Variants in ANK3 observed in about 807,000 individuals in gnomAD.
ANK3 encodes ankyrin 3.
ANK3 carries 57 observed loss-of-function variants against 370.9 expected under a neutral mutation model. The ratio of observed to expected loss-of-function variants is 0.15; its 90% CI spans 0.12 to 0.19. The LOEUF is 0.19. ANK3 is among the 10% of genes least tolerant of loss of function. The probability of loss-of-function intolerance (pLI) is 1.00; values close to 1 mark genes in which losing one functional copy is unlikely to be tolerated. For missense variants in ANK3, 4,439 were observed against 5,302.1 expected (o/e 0.84, Z 5.06); for synonymous variants, 1,929 against 1,946.3 (o/e 0.99, Z 0.23).
At chr10:60,263,776 A>G in intron 6 of ANK3, 59 bp downstream of exon 6, 2 of 1,599,558 alleles carry the variant, frequency 1.3e-6, no homozygotes, top group Non-Finnish European at 1.7e-6. Flanking sequence ...GGTGCTCTTA[A>G]AGGTTGTGTG....
At chr10:60,486,519 G>A (rs1200773140) in intron 2 of ANK3, among the ~76,000 whole-genome samples, 3 of 152,216 alleles carry the variant, frequency 2.0e-5, no homozygotes, top group African/African-American at 7.2e-5. Context: ...GGCAGAGGTT[G>A]CAGTGAGCTG....
At chr10:60,638,041 C>T (rs930173744) in intron 1 of ANK3, among the ~76,000 whole-genome samples, 11 of 152,088 alleles carry the variant, frequency 7.2e-5, no homozygotes, top group Non-Finnish European at 1.3e-4. Context: ...GTGCAACAGT[C>T]GGAAATAATT....
intron 1 of ANK3, among the ~76,000 whole-genome samples, chr10:60,649,747 T>C (rs886525171): frequency 1.4e-4 from 21 of 152,342 alleles, no homozygotes; most frequent in East Asian, 7.7e-4. Context: ...TATATGTTTT[T>C]ATGCTCTTGT....
intron 1 of ANK3, among the ~76,000 whole-genome samples, chr10:60,281,528 A>G (rs1423256440): frequency 6.6e-6 from 1 of 152,200 alleles, no homozygotes. Context: ...TTGGGTTGCC[A>G]CAAGCCTTGT....
intron 5 of ANK3, among the ~76,000 whole-genome samples, chr10:60,267,871 C>T (rs2097904812): frequency 1.3e-5 from 2 of 152,200 alleles, no homozygotes; most frequent in Admixed American, 1.3e-4. Context: ...GATGGGTTTT[C>T]TCTTAACCAA....
intron 42 of ANK3, among the ~76,000 whole-genome samples, chr10:60,049,898 A>G (rs890771959): frequency 2.0e-5 from 3 of 152,116 alleles, no homozygotes; most frequent in African/African-American, 7.2e-5. Flanking sequence ...TTGCATGGCT[A>G]TATTTGTTTT....
chr10:60,079,173 CTACACACACA>C (rs962095467), intron 36 of ANK3, among the ~76,000 whole-genome samples: 7 of 21,862 alleles, frequency 3.2e-4, no homozygotes, highest in Non-Finnish European at 6.6e-4. Flanking sequence ...AGCTACCTAG[CTACACACACA>C]CACACACACA....
intron 1 of ANK3, among the ~76,000 whole-genome samples, chr10:60,333,816 C>T (rs962992573): frequency 2.0e-4 from 30 of 152,146 alleles, no homozygotes; most frequent in Non-Finnish European, 4.0e-4. Context: ...CTGTTGTTTC[C>T]TGACTTTTTA....
Position 60,080,730 on chromosome 10 carries a change from G to A in ANK3, c.4351-112C>T, listed in dbSNP as rs115349687. 3,306 of 918,786 alleles carry A rather than the reference G, an allele frequency of 3.6e-3. 48 individuals are homozygous for A. The African/African-American group carries it at 0.044, about 12-fold the overall frequency. The allele number at this position is 918,786 out of a possible 1,614,324, so 56.9% of individuals were successfully genotyped here. On this transcript the variant is annotated intron_variant, in intron 35 of 43. Coordinates refer to ENST00000280772, the MANE Select transcript of ANK3 (RefSeq NM_020987.5). ...GATAACTTGTTTATTTTCCTTCTTA[G>A]GAAATGTTAATTTCCCACTGGGATT...
intron 26 of ANK3, among the ~76,000 whole-genome samples, chr10:60,112,552 G>T (rs926924511): frequency 6.6e-6 from 1 of 152,080 alleles, no homozygotes; most frequent in Non-Finnish European, 1.5e-5. Context: ...CCATTTGAAC[G>T]ATATTGTTCT....
At chr10:60,635,224 A>T (rs896091864) in intron 1 of ANK3, among the ~76,000 whole-genome samples, 3 of 152,200 alleles carry the variant, frequency 2.0e-5, no homozygotes, top group Non-Finnish European at 4.4e-5. Context: ...CTCATCATTT[A>T]AAAGGTGGTT....
At chr10:60,351,194 T>C (rs1212391740) in intron 1 of ANK3, among the ~76,000 whole-genome samples, 1 of 152,212 alleles carries the variant, frequency 6.6e-6, no homozygotes, top group Non-Finnish European at 1.5e-5. Context: ...GAGAAAGTTT[T>C]GCTCCCAATA....
intron 2 of ANK3, among the ~76,000 whole-genome samples, chr10:60,435,191 T>C (rs979259282): frequency 1.3e-5 from 2 of 152,158 alleles, no homozygotes; most frequent in Admixed American, 6.5e-5. Context: ...GGATTACGGG[T>C]TGAATCTGTT....
chr10:60,463,446 C>G (rs1336013328), intron 2 of ANK3, among the ~76,000 whole-genome samples: 1 of 152,092 alleles, frequency 6.6e-6, no homozygotes, highest in Non-Finnish European at 1.5e-5. Flanking sequence ...AGACAGAACC[C>G]TCTGGCATGT....
chr10:60,549,862 T>C (rs995107958), intron 2 of ANK3, among the ~76,000 whole-genome samples: 1 of 152,148 alleles, frequency 6.6e-6, no homozygotes, highest in Non-Finnish European at 1.5e-5. Flanking sequence ...GGACTATTGA[T>C]TGAAAGTTGT....
chr10:60,680,086 G>C (rs1001807676), intron 1 of ANK3, among the ~76,000 whole-genome samples: 3 of 147,222 alleles, frequency 2.0e-5, no homozygotes, highest in Non-Finnish European at 4.4e-5. Flanking sequence ...AGTGAGCCTA[G>C]AGCATGCCAC....
rs1165156356 is a variant in ANK3, at chr10:60,071,568, A to G, written c.9313T>C (p.Tyr3105His). 1.2e-6 allele frequency: 2 copies of G among 1,613,778 alleles called. No individual in the cohort carries two copies. Among genetic ancestry groups the G allele is most frequent in the Admixed American group, 1.7e-5 (1 of 59,980 alleles). Residue 3105 changes from tyrosine (Y) to histidine (H), a missense_variant, in exon 37 of 44, where the codon TAT becomes CAT. Physicochemically the swap from Tyr to His is moderately conservative, Grantham distance 83. This residue lies in a region of ANK3 where 1,601 missense variants were observed against 1,731.7 expected (regional missense o/e 0.92). Transcript: ENST00000280772. ...CCTCCTTGTTGTATCTCCTTTTCATATTGCTTCCCCACTTGTACAAAACTG... is the reference window on the plus strand; with the variant it reads ...CCTCCTTGTTGTATCTCCTTTTCATGTTGCTTCCCCACTTGTACAAAACTG... ...YVSFVQVGKQ[Y>H]EKEIQQGGVK...
chr10:60,176,196 C>CAAAAA (rs553748635), intron 18 of ANK3, among the ~76,000 whole-genome samples: 16 of 136,472 alleles, frequency 1.2e-4, no homozygotes, highest in African/African-American at 3.8e-4. Context: ...AAAAAAAAAA[C>CAAAAA]AAAAAAAAAC....
intron 25 of ANK3, among the ~76,000 whole-genome samples, chr10:60,127,653 C>T (rs976379194): frequency 6.6e-6 from 1 of 151,706 alleles, no homozygotes; most frequent in African/African-American, 2.4e-5. Flanking sequence ...CAAATAGTTC[C>T]ATTCCTGTAA....
Sources: gnomAD v4.1 joint callset for allele counts (sites outside exome capture counted in the v4.1 genomes callset) on GRCh38, gnomAD v4.1.1 for gene constraint, gnomAD v4.1.1 regional missense constraint, MANE v1.5 for transcripts, NCBI Gene and HGNC (gene_info 2026-07-23, HGNC 2026-07-21) for gene names.